CR1: variants seen among roughly 807,000 people sequenced by gnomAD.
CR1 encodes complement receptor type 1.
CR1 carries 116 observed loss-of-function variants against 187.3 expected under a neutral mutation model. The observed-to-expected ratio is 0.62, with a 90% CI of 0.53 to 0.72. CR1 has a LOEUF of 0.72. CR1 is among the 30% of genes least tolerant of loss of function. The pLI, the probability that CR1 is intolerant of heterozygous loss-of-function variation, is 0.00. For missense variants in CR1, 1,731 were observed against 2,110.7 expected, an observed-to-expected ratio of 0.82 and a Z score of 3.52; for synonymous variants, 576 against 747.1, an observed-to-expected ratio of 0.77 and a Z score of 3.73.
intron 35 of CR1, among the ~76,000 whole-genome samples, chr1:207,591,045 G>C (rs760114376): frequency 6.6e-6 from 1 of 152,104 alleles, no homozygotes; most frequent in Non-Finnish European, 1.5e-5. Flanking sequence ...ACAGGTCAAC[G>C]AGACAGAAAA....
chr1:207,611,868 T>C lies in CR1; in HGVS notation c.6472+15T>C, dbSNP rs775113994. The C allele has an allele frequency of 7.4e-6, 12 of 1,613,624 alleles. No homozygotes were observed. Among genetic ancestry groups the C allele is most frequent in the Non-Finnish European group, 9.3e-6 (11 of 1,179,834 alleles). ...TAGATGTACAGGTGCCTTGACTCTC[T>C]GGCTTCCAGATTGCTCTGTTTTCCC... On this transcript the variant is annotated intron_variant, in intron 38 of 46. Transcript: ENST00000367049.
At chr1:207,593,691 A>C (rs915752359) in intron 35 of CR1, among the ~76,000 whole-genome samples, 5 of 152,224 alleles carry the variant, frequency 3.3e-5, no homozygotes, top group African/African-American at 9.6e-5. Context: ...AATGGGAGAA[A>C]ATTTTTGCAA....
intron 4 of CR1, among the ~76,000 whole-genome samples, chr1:207,512,677 C>T (rs1659660105): frequency 1.3e-5 from 2 of 152,106 alleles, no homozygotes; most frequent in Admixed American, 1.3e-4. Flanking sequence ...TGCTGTTTAT[C>T]CACTTTAAGA....
At chr1:207,631,987 G>A (rs1308015153) in intron 46 of CR1, among the ~76,000 whole-genome samples, 1 of 152,176 alleles carries the variant, frequency 6.6e-6, no homozygotes, top group African/African-American at 2.4e-5. Flanking sequence ...GACAGTGGAA[G>A]GGGCCCCAGG....
At chr1:207,497,020 C>T (rs1166948891) in intron 1 of CR1, among the ~76,000 whole-genome samples, 10 of 152,292 alleles carry the variant, frequency 6.6e-5, no homozygotes, top group African/African-American at 1.9e-4. Context: ...CTGACAACTG[C>T]CCCGCATGGA....
At chr1:207,616,483 A>C (rs1300304038) in intron 40 of CR1, 92 bp from the exon 41 acceptor site, 1 of 1,407,324 alleles carries the variant, frequency 7.1e-7, no homozygotes, top group African/African-American at 1.4e-5. Flanking sequence ...TAAAAGTTAT[A>C]TTCTTTTTAA....
intron 5 of CR1, among the ~76,000 whole-genome samples, chr1:207,524,786 G>C (rs1349051869): frequency 2.0e-5 from 3 of 151,930 alleles, no homozygotes; most frequent in East Asian, 3.9e-4. Flanking sequence ...CCTCACTCCA[G>C]AGCCTTGGCT....
intron 4 of CR1, among the ~76,000 whole-genome samples, chr1:207,520,204 C>T (rs912677441): frequency 6.6e-6 from 1 of 152,102 alleles, no homozygotes; most frequent in African/African-American, 2.4e-5. Context: ...AGTTCTGTAC[C>T]TCCTCCCAAT....
intron 43 of CR1, among the ~76,000 whole-genome samples, chr1:207,620,378 C>T (rs1571607169): frequency 6.6e-6 from 1 of 152,342 alleles, no homozygotes; most frequent in East Asian, 1.9e-4. Flanking sequence ...TAGGGAGCAC[C>T]TTCCAAGCTG....
intron 35 of CR1, among the ~76,000 whole-genome samples, chr1:207,598,629 A>G (rs918547879): frequency 1.3e-5 from 2 of 152,170 alleles, no homozygotes; most frequent in African/African-American, 4.8e-5. Flanking sequence ...CATGTTGGCC[A>G]GGATGGTCTT....
intron 4 of CR1, among the ~76,000 whole-genome samples, chr1:207,521,403 A>G (rs1659988195): frequency 6.6e-6 from 1 of 152,106 alleles, no homozygotes; most frequent in African/African-American, 2.4e-5. Flanking sequence ...GACTTCAGTT[A>G]AACATGCTAG....
At position 207,496,436 on chromosome 1, in the gene CR1, C is replaced by T. The variant is rs1380343117; in HGVS notation, c.121+48C>T. 5 of 1,550,358 alleles carry T rather than the reference C, an allele frequency of 3.2e-6. No individual in the cohort carries two copies. In the Admixed American group the frequency reaches 5.9e-5, roughly 18 times the overall value. ...GAGGCGCCCGGGCGGACGAGGAACC[C>T]GGGGCCCCGCAGAGAACTCGCGTGC... On this transcript the variant is annotated intron_variant, in intron 1 of 46. Transcript: ENST00000367049.
intron 45 of CR1, among the ~76,000 whole-genome samples, chr1:207,627,731 TAA>T (rs1183465546): frequency 1.3e-5 from 2 of 152,210 alleles, no homozygotes; most frequent in Non-Finnish European, 2.9e-5. Context: ...GGCAATATGG[TAA>T]GACCATGTCC....
intron 1 of CR1, among the ~76,000 whole-genome samples, chr1:207,503,152 C>G (rs1165517922): frequency 6.6e-6 from 1 of 152,144 alleles, no homozygotes; most frequent in Non-Finnish European, 1.5e-5. Flanking sequence ...GCAGCATATA[C>G]TACTTTTGAT....
chr1:207,577,267 A>AAC (rs947927267), intron 28 of CR1, among the ~76,000 whole-genome samples: 20 of 151,322 alleles, frequency 1.3e-4, no homozygotes, highest in Non-Finnish European at 1.9e-4. Context: ...CAAACAAACA[A>AAC]AAAAAAAACA....
intron 1 of CR1, among the ~76,000 whole-genome samples, chr1:207,502,855 A>G (rs1022322432): frequency 6.6e-6 from 1 of 152,224 alleles, no homozygotes; most frequent in Non-Finnish European, 1.5e-5. Context: ...TCCCGTGGGC[A>G]CTATGATGGA....
intron 45 of CR1, among the ~76,000 whole-genome samples, chr1:207,623,482 G>A (rs2102406045): frequency 6.6e-6 from 1 of 152,070 alleles, no homozygotes; most frequent in East Asian, 1.9e-4. Flanking sequence ...CTACTCGGGA[G>A]GTTGAAGCAT....
At position 207,510,956 on chromosome 1, in the gene CR1, G is replaced by C. The variant is rs141346396; in HGVS notation, c.402-613G>C. On this transcript the variant is annotated intron_variant, in intron 3 of 46. Transcript: ENST00000367049. ...CATGCCTCAGCCTCCTGAGTAGCTA[G>C]GACTACAGGAATGTGCCACCACGCC... is the stretch of plus-strand genomic sequence containing the variant. Among the ~76,000 whole-genome samples the C allele has an allele frequency of 5.5e-3, 835 of 151,974 alleles. 11 individuals are homozygous for C. Among genetic ancestry groups the C allele is most frequent in the African/African-American group, 0.02 (812 of 41,416 alleles).
Position 207,636,964 on chromosome 1 carries a change from T to C in CR1, c.7458-2433T>C, listed in dbSNP as rs2102422489. On this transcript the variant is annotated intron_variant, in intron 46 of 46. Transcript: ENST00000367049. ...AACTATATTTCCTACAACTAGCATATAAGGGGGCTTTACACAGGTTTGGAA... is the reference window on the plus strand; with the variant it reads ...AACTATATTTCCTACAACTAGCATACAAGGGGGCTTTACACAGGTTTGGAA... Among the ~76,000 whole-genome samples, 2 of 152,336 alleles carry C rather than the reference T, an allele frequency of 1.3e-5. 1 individual carries two copies. The highest frequency in any genetic ancestry group is 4.1e-4 in the South Asian group (2 of 4,820).
Sources: gnomAD v4.1 joint callset for allele counts (sites outside exome capture counted in the v4.1 genomes callset) on GRCh38, gnomAD v4.1.1 for gene constraint, MANE v1.5 for transcripts, NCBI Gene and HGNC (gene_info 2026-07-23, HGNC 2026-07-21) for gene names.